RBBP6: variants seen among roughly 807,000 people sequenced by gnomAD.
RBBP6 encodes the protein E3 ubiquitin-protein ligase RBBP6.
In RBBP6, 25 loss-of-function variants were observed where a neutral mutation model predicts 167.7. The observed-to-expected ratio is 0.15, with a 90% CI of 0.11 to 0.21. The LOEUF is 0.21. Among genes scored for constraint, RBBP6 ranks in the 10% least tolerant of loss-of-function variants. The pLI is 1.00. For missense variants in RBBP6, 1,868 were observed against 2,134.2 expected, an observed-to-expected ratio of 0.88 and a Z score of 2.46; for synonymous variants, 789 against 735.8, an observed-to-expected ratio of 1.07 and a Z score of -1.17.
At position 24,570,064 on chromosome 16, in the gene RBBP6, C is replaced by T. The variant is rs748036792; in HGVS notation, c.3374C>T (p.Thr1125Ile). 3 of 1,607,540 alleles carry T rather than the reference C, an allele frequency of 1.9e-6. No individual in the cohort carries two copies. Among genetic ancestry groups the T allele is most frequent in the Admixed American group, 3.4e-5 (2 of 58,412 alleles). The part of the protein sequence containing the change: ...SKDVKSEKLT[T>I]KEEKAKKPNE... ...GATGTCAAATCAGAAAAGCTAACAA[C>T]TAAGGAAGAAAAGGCCAAGAAGCCT... The change falls in exon 17 of 18, where the codon ACT becomes ATT. Residue 1125 changes from threonine (T) to isoleucine (I), a missense_variant. Transcript: ENST00000319715.
intron 2 of RBBP6, among the ~76,000 whole-genome samples, chr16:24,546,580 T>A (rs1465413528): frequency 6.6e-6 from 1 of 152,218 alleles, no homozygotes; most frequent in African/African-American, 2.4e-5. Context: ...TGGGGGTTCC[T>A]TCAGTTTTCT....
chr16:24,547,329 A>C (rs903013561), intron 2 of RBBP6, among the ~76,000 whole-genome samples: 1 of 152,194 alleles, frequency 6.6e-6, no homozygotes, highest in African/African-American at 2.4e-5. Context: ...TATCTTCCAT[A>C]TAATAGCTAC....
chr16:24,544,609 C>T (rs1373500333), intron 1 of RBBP6, among the ~76,000 whole-genome samples: 1 of 152,024 alleles, frequency 6.6e-6, no homozygotes, highest in Non-Finnish European at 1.5e-5. Flanking sequence ...AATAAAAAGG[C>T]CTGGTTGTGT....
At chr16:24,550,627 CAT>C (rs1487773780) in intron 3 of RBBP6, among the ~76,000 whole-genome samples, 4 of 151,720 alleles carry the variant, frequency 2.6e-5, no homozygotes, top group African/African-American at 9.7e-5. Flanking sequence ...ACACAAATCA[CAT>C]GTTCATAAAT....
chr16:24,562,582 G>A (rs1044176336), intron 10 of RBBP6, among the ~76,000 whole-genome samples: 10 of 151,358 alleles, frequency 6.6e-5, no homozygotes, highest in African/African-American at 2.4e-4. Flanking sequence ...AATAGTGATT[G>A]TTTTGGAGCA....
rs770698834 is a variant in RBBP6, at chr16:24,570,292, C to A, written c.3602C>A (p.Ser1201Tyr). Residue 1201 changes from serine to tyrosine, a missense_variant, in exon 17 of 18, where the codon TCT becomes TAT. By Grantham distance (144) the Ser-to-Tyr change is moderately radical. Coordinates refer to ENST00000319715, the MANE Select transcript of RBBP6 (RefSeq NM_006910.5). ...MDRTPEKDKI[S>Y]LSAPAKKIKL... ...AGGACCCCTGAAAAGGACAAAATTTCTTTAAGTGCGCCAGCCAAAAAAATC... is the reference window on the plus strand; with the variant it reads ...AGGACCCCTGAAAAGGACAAAATTTATTTAAGTGCGCCAGCCAAAAAAATC... The A allele has an allele frequency of 4.3e-6, 7 of 1,610,060 alleles. No homozygotes were observed. The highest frequency in any genetic ancestry group is 2.2e-5 in the South Asian group (2 of 89,638).
At chr16:24,549,082 A>T in intron 3 of RBBP6, 101 bp downstream of exon 3, 1 of 1,541,498 alleles carries the variant, frequency 6.5e-7, no homozygotes, top group South Asian at 1.2e-5. Flanking sequence ...CCAACTGATC[A>T]TAGTACATAT....
rs1899230812 is a variant in RBBP6, at chr16:24,567,813, A to G, written c.1974A>G (p.Leu658=). The change falls in exon 16 of 18, where the codon CTA becomes CTG. Residue 658 remains leucine (L), a synonymous_variant. Transcript: ENST00000319715. ...CTAGGGAAAAGAAAAAGTCCAAGCT[A>G]GATGAGTTTACAAATGATTTTGCTA... The part of the protein sequence containing the change: ...LKEEEKKKSK[L]DEFTNDFAKE... The G allele has an allele frequency of 6.2e-7, 1 of 1,613,038 alleles. No homozygotes were observed. Among genetic ancestry groups the G allele is most frequent in the Admixed American group, 1.7e-5 (1 of 59,876 alleles).
At position 24,570,984 on chromosome 16, in the gene RBBP6, A is replaced by T; in HGVS notation, c.3918A>T (p.Pro1306=). ...MEEYNNDNTA[P]AEDVIIMIQV... Reference sequence around the variant, plus strand: ...AATATAATAATGACAATACCGCGCCAGCTGAAGATGTTATCATTATGATTC... The same window carrying T: ...AATATAATAATGACAATACCGCGCCTGCTGAAGATGTTATCATTATGATTC... Residue 1306 remains proline, a synonymous_variant, in exon 18 of 18, where the codon CCA becomes CCT. Transcript: ENST00000319715. The T allele has an allele frequency of 6.2e-7, 1 of 1,612,544 alleles. No homozygotes were observed. The highest frequency in any genetic ancestry group is 8.5e-7 in the Non-Finnish European group (1 of 1,178,606).
rs1327256841 is a variant in RBBP6 at position 24,568,835 on chromosome 16, T to C, written c.2145T>C (p.Tyr715=). 4 of 1,614,136 alleles carry C rather than the reference T, an allele frequency of 2.5e-6. No individual in the cohort carries two copies. The highest frequency in any genetic ancestry group is 1.7e-5 in the Admixed American group (1 of 60,014). ...CTGGTTCAACACGTTCACGCTCTTA[T>C]TCTCGATCATTCAGCCGCTCACATT... ...SRSGSTRSRS[Y]SRSFSRSHSR... The change falls in exon 17 of 18, where the codon TAT becomes TAC. Residue 715 remains tyrosine (Y), a synonymous_variant. Coordinates refer to ENST00000319715, the MANE Select transcript of RBBP6 (RefSeq NM_006910.5).
In RBBP6 at chr16:24,570,951, G is replaced by T. The variant is rs751384179; in HGVS notation, c.3885G>T (p.Thr1295=). The T allele has an allele frequency of 2.5e-6, 4 of 1,606,184 alleles. No homozygotes were observed. In the African/African-American group the frequency reaches 5.3e-5, roughly 21 times the overall value. The change falls in exon 18 of 18, where the codon ACG becomes ACT. Residue 1295 remains threonine, a synonymous_variant. Coordinates refer to ENST00000319715, the MANE Select transcript of RBBP6 (RefSeq NM_006910.5). ...ATACAAAGCGAACTGTGATTAAAAC[G>T]ATGGAAGAATATAATAATGACAATA... ...KTDTKRTVIK[T]MEEYNNDNTA... is the part of the protein sequence containing the mutation.
At chr16:24,549,628 C>T (rs1898749094) in intron 3 of RBBP6, among the ~76,000 whole-genome samples, 1 of 151,954 alleles carries the variant, frequency 6.6e-6, no homozygotes, top group Non-Finnish European at 1.5e-5. Flanking sequence ...CTTTTGTTTA[C>T]ATCTGTACTA....
chr16:24,561,620 A>G lies in RBBP6; in HGVS notation c.856A>G (p.Thr286Ala). The G allele has an allele frequency of 6.2e-7, 1 of 1,613,424 alleles. No homozygotes were observed. The highest frequency in any genetic ancestry group is 1.1e-5 in the South Asian group (1 of 91,064). Residue 286 changes from threonine to alanine, a missense_variant, in exon 9 of 18, where the codon ACA (threonine) becomes GCA (alanine). This residue lies in a region of RBBP6 where 11 missense variants were observed against 69.7 expected (regional missense o/e 0.16). Transcript: ENST00000319715. ...TGAAATCTTATACATAGGTATAAGA[A>G]CAGCACTCCTGGAATCAGATGAGCA... ...GNSYCDECIR[T>A]ALLESDEHTC...
intron 1 of RBBP6, among the ~76,000 whole-genome samples, chr16:24,545,299 C>G (rs2141455203): frequency 6.6e-6 from 1 of 152,224 alleles, no homozygotes; most frequent in South Asian, 2.1e-4. Flanking sequence ...GTCTTAATCT[C>G]CTGACCTCGT....
rs540146554 is a variant in RBBP6, at chr16:24,570,317, C to G, written c.3627C>G (p.Ile1209Met). The G allele has an allele frequency of 6.2e-7, 1 of 1,610,318 alleles. No homozygotes were observed. Among genetic ancestry groups the G allele is most frequent in the East Asian group, 2.2e-5 (1 of 44,860 alleles). The change falls in exon 17 of 18, where the codon ATC becomes ATG. Residue 1209 changes from isoleucine to methionine, a missense_variant. By Grantham distance (10) the Ile-to-Met change is conservative. Transcript: ENST00000319715. ...KISLSAPAKKIKLNRETGKKI... is the reference protein window; with the variant it reads ...KISLSAPAKKMKLNRETGKKI... ...CTTTAAGTGCGCCAGCCAAAAAAAT[C>G]AAACTCAACAGAGAAACTGGGAAGA... is the stretch of plus-strand genomic sequence containing the variant.
At chr16:24,549,264 T>G in intron 3 of RBBP6, 2 of 1,241,608 alleles carry the variant, frequency 1.6e-6, no homozygotes, top group Non-Finnish European at 2.0e-6. Flanking sequence ...TGTATGATCC[T>G]TTTTAGATCG....
At chr16:24,549,584 T>G (rs1898747561) in intron 3 of RBBP6, among the ~76,000 whole-genome samples, 1 of 152,058 alleles carries the variant, frequency 6.6e-6, no homozygotes, top group Non-Finnish European at 1.5e-5. Flanking sequence ...GCTTTATTAT[T>G]TAGTCTTGCT....
At chr16:24,566,227 A>G (rs1159817808) in intron 14 of RBBP6, among the ~76,000 whole-genome samples, 1 of 152,210 alleles carries the variant, frequency 6.6e-6, no homozygotes, top group Non-Finnish European at 1.5e-5. Flanking sequence ...GTTGTGTACC[A>G]ATTATTTATA....
chr16:24,562,025 T>A lies in RBBP6; in HGVS notation c.1153T>A (p.Ser385Thr), dbSNP rs1899072213. The change falls in exon 10 of 18, where the codon TCT becomes ACT. Residue 385 changes from serine to threonine, a missense_variant. This residue lies in a region of RBBP6 where 245 missense variants were observed against 240.1 expected (regional missense o/e 1.02). Transcript: ENST00000319715. ...SSSTHPAPSI[S>T]SLTSNQSSLA... ...ATCAACTCACCCAGCTCCGTCTATATCTTCATTAACTTCTAATCAGTCTTC... is the reference window on the plus strand; with the variant it reads ...ATCAACTCACCCAGCTCCGTCTATAACTTCATTAACTTCTAATCAGTCTTC... 6.2e-7 allele frequency: 1 copy of A among 1,613,198 alleles called. No homozygotes were observed. Among genetic ancestry groups the A allele is most frequent in the African/African-American group, 1.3e-5 (1 of 74,910 alleles).
Sources: gnomAD v4.1 joint callset for allele counts (sites outside exome capture counted in the v4.1 genomes callset) on GRCh38, gnomAD v4.1.1 for gene constraint, gnomAD v4.1.1 regional missense constraint, MANE v1.5 for transcripts, NCBI Gene and HGNC (gene_info 2026-07-23, HGNC 2026-07-21) for gene names.